The following RTN4R variants were observed in gnomAD, a reference collection of about 807,000 sequenced individuals.
RTN4R encodes the protein reticulon 4 receptor.
Under a neutral mutation model 27.7 loss-of-function variants are expected in RTN4R, and 4 were observed. The ratio of observed to expected loss-of-function variants is 0.14; its 90% CI spans 0.07 to 0.33. The LOEUF (loss-of-function observed/expected upper bound fraction) is 0.33. Among genes scored for constraint, RTN4R ranks in the 10% least tolerant of loss-of-function variants. The pLI is 1.00. For missense variants in RTN4R, 554 were observed against 671.5 expected, an observed-to-expected ratio of 0.83 and a Z score of 1.93; for synonymous variants, 290 against 305.6, an observed-to-expected ratio of 0.95 and a Z score of 0.53.
chr22:20,252,896 C>A (rs551364324), intron 1 of RTN4R, among the ~76,000 whole-genome samples: 3 of 152,298 alleles, frequency 2.0e-5, no homozygotes, highest in Admixed American at 6.5e-5. Flanking sequence ...AATGAGAGGC[C>A]AGCACCTACC....
chr22:20,254,899 A>G (rs1222044597), intron 1 of RTN4R, among the ~76,000 whole-genome samples: 1 of 152,234 alleles, frequency 6.6e-6, no homozygotes, highest in Non-Finnish European at 1.5e-5. Flanking sequence ...ACAAAAGGCC[A>G]TGAAAGAGAA....
At chr22:20,247,379 T>G (rs1028662862) in intron 1 of RTN4R, among the ~76,000 whole-genome samples, 2 of 150,164 alleles carry the variant, frequency 1.3e-5, no homozygotes, top group Admixed American at 6.6e-5. Flanking sequence ...CAGGCGGGGG[T>G]GGCGGGCCTA....
chr22:20,267,209 G>A (rs1420504897), intron 1 of RTN4R, among the ~76,000 whole-genome samples: 1 of 152,262 alleles, frequency 6.6e-6, no homozygotes, highest in Non-Finnish European at 1.5e-5. Context: ...CACCAGAGGT[G>A]TGCAAGTGTG....
chr22:20,259,658 T>TTC (rs989884273), intron 1 of RTN4R, among the ~76,000 whole-genome samples: 3 of 152,182 alleles, frequency 2.0e-5, no homozygotes, highest in African/African-American at 7.2e-5. Context: ...GCCACTGGGC[T>TTC]TCTGTTAGGG....
At chr22:20,259,982 G>T (rs1466575483) in intron 1 of RTN4R, among the ~76,000 whole-genome samples, 2 of 152,174 alleles carry the variant, frequency 1.3e-5, no homozygotes, top group Admixed American at 1.3e-4. Context: ...CTGCATCGGG[G>T]ACTGGACCAG....
At chr22:20,245,148 C>CG (rs2051132625) in intron 1 of RTN4R, among the ~76,000 whole-genome samples, 1 of 152,082 alleles carries the variant, frequency 6.6e-6, no homozygotes, top group African/African-American at 2.4e-5. Context: ...CACGGTGGTG[C>CG]GGGGTCGGGG....
At chr22:20,253,521 C>A (rs1372384758) in intron 1 of RTN4R, among the ~76,000 whole-genome samples, 1 of 152,142 alleles carries the variant, frequency 6.6e-6, no homozygotes, top group African/African-American at 2.4e-5. Context: ...GGGGTTCCAC[C>A]ACTGGTATCC....
intron 1 of RTN4R, among the ~76,000 whole-genome samples, chr22:20,249,675 G>C (rs762229081): frequency 6.6e-6 from 1 of 152,206 alleles, no homozygotes; most frequent in East Asian, 1.9e-4. Flanking sequence ...GCTGGGATGC[G>C]AGCCCCTCCC....
chr22:20,242,322 G>A lies in RTN4R; in HGVS notation c.811C>T (p.Leu271Phe), dbSNP rs1296562679. 2 of 1,610,174 alleles carry A rather than the reference G, an allele frequency of 1.2e-6. No individual in the cohort carries two copies. Among genetic ancestry groups the A allele is most frequent in the Non-Finnish European group, 1.7e-6 (2 of 1,178,978 alleles). Reference protein sequence around the residue: ...PWVCDCRARPLWAWLQKFRGS... With the variant: ...PWVCDCRARPFWAWLQKFRGS... ...CGGAACTTCTGCAGCCAGGCCCAGA[G>A]TGGGCGTGCCCGGCAGTCACACACC... The change falls in exon 2 of 2, where the codon CTC becomes TTC. Residue 271 changes from leucine (L) to phenylalanine (F), a missense_variant. Leu to Phe is a conservative substitution (Grantham distance 22). Transcript: ENST00000043402.
intron 1 of RTN4R, chr22:20,243,493 G>A (rs1008698943): frequency 1.2e-5 from 6 of 508,728 alleles, no homozygotes; most frequent in African/African-American, 1.9e-5. Context: ...AGGAGTCCCC[G>A]GGGGGTCCCA....
At chr22:20,250,882 A>C (rs2051172461) in intron 1 of RTN4R, among the ~76,000 whole-genome samples, 1 of 151,884 alleles carries the variant, frequency 6.6e-6, no homozygotes, top group South Asian at 2.1e-4. Context: ...CATACACACA[A>C]AGAGAACAAA....
At chr22:20,256,175 C>T (rs1010780488) in intron 1 of RTN4R, among the ~76,000 whole-genome samples, 13 of 152,166 alleles carry the variant, frequency 8.5e-5, no homozygotes, top group Admixed American at 2.6e-4. Flanking sequence ...AGCTGCCCTC[C>T]GGGAGGCGGG....
intron 1 of RTN4R, among the ~76,000 whole-genome samples, chr22:20,245,029 G>A (rs551818876): frequency 6.6e-5 from 10 of 152,304 alleles, no homozygotes; most frequent in African/African-American, 2.4e-4. Flanking sequence ...CTGTGGTCAG[G>A]GCTCAGCTCA....
chr22:20,252,957 G>C (rs935563264), intron 1 of RTN4R, among the ~76,000 whole-genome samples: 9 of 152,024 alleles, frequency 5.9e-5, no homozygotes, highest in African/African-American at 1.9e-4. Context: ...CCAGCATCCT[G>C]CCTCCCCAGA....
chr22:20,246,312 C>G (rs1295855043), intron 1 of RTN4R, among the ~76,000 whole-genome samples: 2 of 152,212 alleles, frequency 1.3e-5, no homozygotes, highest in Non-Finnish European at 2.9e-5. Context: ...GCTGAAGGCC[C>G]AGGAGGCTGG....
chr22:20,242,378 A>G lies in RTN4R; in HGVS notation c.755T>C (p.Leu252Pro). The G allele has an allele frequency of 6.2e-7, 1 of 1,612,958 alleles. No individual in the cohort carries two copies. ...PTEALAPLRALQYLRLNDNPW... is the reference protein window; with the variant it reads ...PTEALAPLRAPQYLRLNDNPW... ...GTTGTCGTTGAGCCTCAGGTACTGCAGGGCACGCAGGGGGGCCAGGGCCTC... is the reference window on the plus strand; with the variant it reads ...GTTGTCGTTGAGCCTCAGGTACTGCGGGGCACGCAGGGGGGCCAGGGCCTC... The change falls in exon 2 of 2, where the codon CTG (leucine) becomes CCG (proline). Residue 252 changes from leucine to proline, a missense_variant. By Grantham distance (98) the Leu-to-Pro change is moderately conservative. This residue lies in a region of RTN4R where 413 missense variants were observed against 542.3 expected (regional missense o/e 0.76). Coordinates refer to ENST00000043402, the MANE Select transcript of RTN4R (RefSeq NM_023004.6).
In RTN4R at chr22:20,242,528, T is replaced by A. The variant is rs761937113; in HGVS notation, c.605A>T (p.His202Leu). Residue 202 changes from histidine to leucine, a missense_variant, in exon 2 of 2, where the codon CAC becomes CTC. Coordinates refer to ENST00000043402, the MANE Select transcript of RTN4R (RefSeq NM_023004.6). The stretch of plus-strand genomic sequence containing the variant: ...GTGCAGTAGGAGACGGTCGAGGCTG[T>A]GCAGCCCACGGAAGGCGCGCTCGGG... ...SVPERAFRGLHSLDRLLLHQN... is the reference protein window; with the variant it reads ...SVPERAFRGLLSLDRLLLHQN... The A allele has an allele frequency of 6.2e-7, 1 of 1,613,658 alleles. No individual in the cohort carries two copies. Among genetic ancestry groups the A allele is most frequent in the Non-Finnish European group, 8.5e-7 (1 of 1,179,970 alleles).
intron 1 of RTN4R, chr22:20,248,987 C>G: frequency 2.4e-6 from 1 of 408,664 alleles, no homozygotes; most frequent in Admixed American, 2.6e-5. Flanking sequence ...ACACTGGGGG[C>G]CCCTGGAGGC....
At chr22:20,246,802 G>A (rs1363809082) in intron 1 of RTN4R, among the ~76,000 whole-genome samples, 9 of 152,248 alleles carry the variant, frequency 5.9e-5, no homozygotes, top group Non-Finnish European at 1.2e-4. Flanking sequence ...TTTCATCCAC[G>A]CACAGCTTGG....
Sources: gnomAD v4.1 joint callset for allele counts (sites outside exome capture counted in the v4.1 genomes callset) on GRCh38, gnomAD v4.1.1 for gene constraint, gnomAD v4.1.1 regional missense constraint, MANE v1.5 for transcripts, NCBI Gene and HGNC (gene_info 2026-07-23, HGNC 2026-07-21) for gene names.